Variants in DACH1 observed in about 807,000 individuals in gnomAD.
DACH1 encodes dachshund homolog 1.
Under a neutral mutation model 54.2 loss-of-function variants are expected in DACH1, and 12 were observed. The observed-to-expected ratio is 0.22, with a 90% CI of 0.14 to 0.36. The LOEUF (loss-of-function observed/expected upper bound fraction) is 0.36. DACH1 is among the 10% of genes least tolerant of loss of function. DACH1 has a pLI of 1.00. For missense variants in DACH1, 805 were observed against 929.8 expected, an observed-to-expected ratio of 0.87 and a Z score of 1.75; for synonymous variants, 386 against 366.2, an observed-to-expected ratio of 1.05 and a Z score of -0.62.
chr13:71,537,572 A>G (rs1031248058), intron 6 of DACH1, among the ~76,000 whole-genome samples: 2 of 152,160 alleles, frequency 1.3e-5, no homozygotes, highest in East Asian at 3.9e-4. Flanking sequence ...AGGGAAAAGC[A>G]AAGAAATTTC....
intron 1 of DACH1, among the ~76,000 whole-genome samples, chr13:71,728,205 A>G (rs1415073678): frequency 6.6e-6 from 1 of 152,082 alleles, no homozygotes; most frequent in Non-Finnish European, 1.5e-5. Flanking sequence ...AAAAGAAAGC[A>G]TTTTATTCAA....
intron 1 of DACH1, among the ~76,000 whole-genome samples, chr13:71,796,434 T>G (rs1050656539): frequency 2.6e-5 from 4 of 152,068 alleles, no homozygotes; most frequent in Admixed American, 2.0e-4. Flanking sequence ...TTCTACAAAT[T>G]TGGCTGGTGA....
intron 6 of DACH1, among the ~76,000 whole-genome samples, chr13:71,524,991 G>A (rs1227912403): frequency 6.6e-6 from 1 of 152,116 alleles, no homozygotes; most frequent in Admixed American, 6.6e-5. Flanking sequence ...TTTTTGGAAA[G>A]TGACACCCTC....
At chr13:71,519,883 G>GTGTATGTATATATATATATATATATATA (rs552808622) in intron 6 of DACH1, among the ~76,000 whole-genome samples, 1 of 29,330 alleles carries the variant, frequency 3.4e-5, no homozygotes, top group Non-Finnish European at 9.8e-5. Context: ...AACCAAAGTA[G>GTGTATGTATATATATATATATATATATA]TATATATATA....
chr13:71,855,747 G>A (rs1277826457), intron 1 of DACH1, among the ~76,000 whole-genome samples: 5 of 151,834 alleles, frequency 3.3e-5, no homozygotes. Context: ...AGCAAAATTA[G>A]ATACATAACC....
At chr13:71,552,830 TATATATATATATAGAGAG>T (rs1409081483) in intron 6 of DACH1, among the ~76,000 whole-genome samples, 58 of 42,802 alleles carry the variant, frequency 1.4e-3, no homozygotes, top group East Asian at 4.5e-3. Context: ...TATATATATA[TATATATATATATAGAGAG>T]AGAGAGAGAG....
chr13:71,504,535 T>C (rs1286112620), intron 6 of DACH1, among the ~76,000 whole-genome samples: 1 of 152,128 alleles, frequency 6.6e-6, no homozygotes, highest in Non-Finnish European at 1.5e-5. Context: ...AAAGGCAGCG[T>C]GGATGAGATC....
At chr13:71,574,627 C>T (rs1779550668) in intron 3 of DACH1, among the ~76,000 whole-genome samples, 1 of 151,986 alleles carries the variant, frequency 6.6e-6, no homozygotes, top group Admixed American at 6.6e-5. Flanking sequence ...TAGCTCAATA[C>T]TGTCTGGATC....
At chr13:71,471,965 G>A (rs1259947534) in intron 10 of DACH1, among the ~76,000 whole-genome samples, 2 of 152,036 alleles carry the variant, frequency 1.3e-5, no homozygotes, top group African/African-American at 4.8e-5. Flanking sequence ...AACACTGCTC[G>A]ATGATTGTTT....
chr13:71,816,084 C>CAA (rs768782630), intron 1 of DACH1, among the ~76,000 whole-genome samples: 2,417 of 150,358 alleles, frequency 0.016, 59 homozygotes, highest in African/African-American at 0.055. Flanking sequence ...GACTCCGTCT[C>CAA]CAAAAAAAAA....
chr13:71,492,886 C>A (rs1879103686), intron 6 of DACH1, among the ~76,000 whole-genome samples: 1 of 151,752 alleles, frequency 6.6e-6, no homozygotes, highest in Non-Finnish European at 1.5e-5. Flanking sequence ...TAAACACAGT[C>A]CAAAATCAGC....
intron 8 of DACH1, among the ~76,000 whole-genome samples, chr13:71,478,255 G>A (rs776710361): frequency 9.9e-5 from 15 of 152,128 alleles, no homozygotes; most frequent in Non-Finnish European, 1.8e-4. Context: ...TTAGAACTGT[G>A]CTATACATCT....
At chr13:71,631,463 T>C (rs1221851042) in intron 2 of DACH1, among the ~76,000 whole-genome samples, 2 of 152,158 alleles carry the variant, frequency 1.3e-5, no homozygotes, top group Non-Finnish European at 2.9e-5. Context: ...TGTGAACTAC[T>C]CAATGGCAGG....
chr13:71,676,557 GA>G (rs1880587893), intron 2 of DACH1, among the ~76,000 whole-genome samples: 3 of 152,140 alleles, frequency 2.0e-5, no homozygotes, highest in Admixed American at 6.5e-5. Flanking sequence ...CTGAGAAGTT[GA>G]AATGTTTAAT....
At chr13:71,617,560 A>G (rs904055258) in intron 3 of DACH1, among the ~76,000 whole-genome samples, 4 of 152,210 alleles carry the variant, frequency 2.6e-5, no homozygotes, top group African/African-American at 9.6e-5. Context: ...ATTCTGGCTG[A>G]ACATACTTTG....
intron 3 of DACH1, among the ~76,000 whole-genome samples, chr13:71,583,290 A>G (rs2138439115): frequency 6.6e-6 from 1 of 152,300 alleles, no homozygotes; most frequent in Admixed American, 6.5e-5. Context: ...TAGCTAAATC[A>G]GTCACATTCA....
At chr13:71,487,875 G>A (rs1482309571) in intron 7 of DACH1, among the ~76,000 whole-genome samples, 3 of 152,052 alleles carry the variant, frequency 2.0e-5, no homozygotes, top group Non-Finnish European at 2.9e-5. Context: ...AATAATATGG[G>A]TGAAATTTAG....
chr13:71,718,268 G>C (rs7337842), intron 1 of DACH1, among the ~76,000 whole-genome samples: 23,672 of 151,884 alleles, frequency 0.16, 4,628 homozygotes, highest in African/African-American at 0.46. Flanking sequence ...GGAAGAAAGA[G>C]CATAACAGTT....
At position 71,598,106 on chromosome 13, in the gene DACH1, A is replaced by G. The variant is rs1874238344; in HGVS notation, c.1127-25094T>C. ...AAAAAAAAAAATAGGCAGAAATAAGATAGGAAAAAAAGAGAAATAAAATTA... is the reference window on the plus strand; with the variant it reads ...AAAAAAAAAAATAGGCAGAAATAAGGTAGGAAAAAAAGAGAAATAAAATTA... On this transcript the variant is annotated intron_variant, in intron 3 of 10. Coordinates refer to ENST00000613252, the MANE Select transcript of DACH1 (RefSeq NM_080759.6). Among the ~76,000 whole-genome samples, 2 of 151,950 alleles carry G rather than the reference A, an allele frequency of 1.3e-5. 1 individual carries two copies. Among genetic ancestry groups the G allele is most frequent in the South Asian group, 4.1e-4 (2 of 4,826 alleles).
Sources: gnomAD v4.1 joint callset for allele counts (sites outside exome capture counted in the v4.1 genomes callset) on GRCh38, gnomAD v4.1.1 for gene constraint, MANE v1.5 for transcripts, NCBI Gene and HGNC (gene_info 2026-07-23, HGNC 2026-07-21) for gene names.